Variants in MTOR observed in about 807,000 individuals in gnomAD.
MTOR encodes the protein serine/threonine-protein kinase mTOR.
A neutral mutation model predicts 319.8 loss-of-function variants in MTOR; 70 were observed. The observed-to-expected ratio is 0.22, with a 90% CI of 0.18 to 0.27. The LOEUF (loss-of-function observed/expected upper bound fraction) is 0.27. Ranked by LOEUF, MTOR falls within the 10% of genes least tolerant of loss-of-function variation. The pLI is 1.00. For missense variants in MTOR, 1,890 were observed against 3,274.4 expected, an observed-to-expected ratio of 0.58 and a Z score of 10.32; for synonymous variants, 1,183 against 1,211.4, an observed-to-expected ratio of 0.98 and a Z score of 0.49.
chr1:11,234,442 T>TA (rs1485202347), intron 13 of MTOR, among the ~76,000 whole-genome samples, 177 bp from the exon 14 acceptor site: 2 of 152,208 alleles, frequency 1.3e-5, no homozygotes. Flanking sequence ...AGAACAGCCT[T>TA]AGATACAGCT....
intron 28 of MTOR, chr1:11,195,251 C>G: frequency 1.9e-6 from 1 of 516,584 alleles, no homozygotes; most frequent in Non-Finnish European, 3.4e-6. Context: ...ACATCCTTCT[C>G]AAGGTGGTAG....
At chr1:11,222,200 A>AT (rs879898824) in intron 19 of MTOR, among the ~76,000 whole-genome samples, 1,495 of 146,006 alleles carry the variant, frequency 0.01, 19 homozygotes, top group African/African-American at 0.032. Context: ...TTTAAAAAAA[A>AT]TTTTTTTTTT....
intron 9 of MTOR, among the ~76,000 whole-genome samples, chr1:11,242,390 C>T (rs1280360114): frequency 6.7e-6 from 1 of 150,180 alleles, no homozygotes; most frequent in Non-Finnish European, 1.5e-5. Context: ...ATCCCAGCTA[C>T]TCAGGAGGCT....
intron 19 of MTOR, among the ~76,000 whole-genome samples, chr1:11,220,937 T>G (rs74225573): frequency 2.0e-5 from 3 of 152,080 alleles, no homozygotes; most frequent in Non-Finnish European, 4.4e-5. Flanking sequence ...TAGATAAGAT[T>G]TTATTTATAG....
Position 11,139,594 on chromosome 1 carries a change from G to A in MTOR, c.4937C>T (p.Pro1646Leu). 3 of 1,614,176 alleles carry A rather than the reference G, an allele frequency of 1.9e-6. No individual in the cohort carries two copies. The highest frequency in any genetic ancestry group is 8.5e-7 in the Non-Finnish European group (1 of 1,180,038). Residue 1646 changes from proline to leucine, a missense_variant, in exon 35 of 58, where the codon CCT becomes CTT. Physicochemically the swap from Pro to Leu is moderately conservative, Grantham distance 98. Around this residue, in one of 15 missense-constraint regions of MTOR, gnomAD observed 276 missense variants for 459.4 expected, o/e 0.60. Transcript: ENST00000361445. ...ILMVRSLVVS[P>L]HEDMRTWLKY... is the part of the protein sequence containing the mutation. The stretch of plus-strand genomic sequence containing the variant: ...GAGCCAGGTTCTCATGTCTTCATGA[G>A]GGCTGACCACAAGGGACCGCACCAT...
intron 36 of MTOR, 152 bp from the exon 37 acceptor site, chr1:11,134,618 G>C: frequency 1.7e-6 from 1 of 605,844 alleles, no homozygotes; most frequent in Non-Finnish European, 2.9e-6. Context: ...CAGAGGACCA[G>C]GGCGTGATAC....
rs764252121 is a variant in MTOR at position 11,228,954 on chromosome 1, A to G, written c.2780-36T>C. ...ACAACAGAGAGTGTTAGAGCTACACATGGCATGACGTGACTTCAGGCAGAG... is the reference window on the plus strand; with the variant it reads ...ACAACAGAGAGTGTTAGAGCTACACGTGGCATGACGTGACTTCAGGCAGAG... On this transcript the variant is annotated intron_variant, in intron 18 of 57. Transcript: ENST00000361445. 1.4e-5 allele frequency: 23 copies of G among 1,608,316 alleles called. 1 individual carries two copies. Among genetic ancestry groups the G allele is most frequent in the Admixed American group, 1.2e-4 (7 of 59,858 alleles).
chr1:11,185,428 AAAAGAAAG>A (rs552054713), intron 28 of MTOR, among the ~76,000 whole-genome samples: 17 of 150,476 alleles, frequency 1.1e-4, no homozygotes, highest in African/African-American at 3.9e-4. Flanking sequence ...AAAAAAAAAG[AAAAGAAAG>A]AAAGAAAGAA....
At chr1:11,194,458 C>G in intron 28 of MTOR, 13 of 1,613,750 alleles carry the variant, frequency 8.1e-6, no homozygotes, top group Non-Finnish European at 1.1e-5. Flanking sequence ...CTCCTCCTGA[C>G]AGGACTGGGA....
intron 26 of MTOR, among the ~76,000 whole-genome samples, chr1:11,201,276 GATAACA>G (rs1213486842): frequency 7.2e-5 from 11 of 152,286 alleles, no homozygotes; most frequent in Admixed American, 2.6e-4. Flanking sequence ...GCCTCTCATG[GATAACA>G]CTGTGCTCAG....
chr1:11,211,472 A>G (rs552342241), intron 23 of MTOR, among the ~76,000 whole-genome samples: 25 of 152,262 alleles, frequency 1.6e-4, no homozygotes, highest in Admixed American at 1.4e-3. Context: ...GGCTCAAGCG[A>G]TCCCTCTGCC....
chr1:11,238,337 T>C, intron 12 of MTOR, 65 bp downstream of exon 12: 3 of 1,517,512 alleles, frequency 2.0e-6, no homozygotes, highest in Non-Finnish European at 1.8e-6. Flanking sequence ...GTAATGAAAC[T>C]GGCTACTCCC....
chr1:11,238,120 C>T lies in MTOR; in HGVS notation c.2003-72G>A. On this transcript the variant is annotated intron_variant, in intron 12 of 57. Transcript: ENST00000361445. ...CTCCAGCCCTTCCCAGCTTCTACCT[C>T]CACTGCCATCAGCGTAGTGGGAAGA... is the stretch of plus-strand genomic sequence containing the variant. 2.8e-6 allele frequency: 4 copies of T among 1,427,108 alleles called. 1 individual carries two copies. Among genetic ancestry groups the T allele is most frequent in the Non-Finnish European group, 2.9e-6 (3 of 1,017,300 alleles). The allele number at this position is 1,427,108 out of a possible 1,614,324, so 88.4% of individuals were successfully genotyped here.
chr1:11,106,932 T>C lies in MTOR; in HGVS notation c.*553A>G, dbSNP rs538973312. Reference sequence around the variant, plus strand: ...CACTGGGTCTGATGGAAGACAGACCTTTTGTACTCATTTTGGCCTATCTTG... The same window carrying C: ...CACTGGGTCTGATGGAAGACAGACCCTTTGTACTCATTTTGGCCTATCTTG... On this transcript the variant is annotated 3_prime_UTR_variant, in exon 58 of 58. Transcript: ENST00000361445. The C allele has an allele frequency of 1.5e-6, 2 of 1,370,172 alleles. No homozygotes were observed. The highest frequency in any genetic ancestry group is 2.9e-5 in the African/African-American group (2 of 69,864). 84.9% of individuals were successfully genotyped at this position (1,370,172 alleles called of 1,614,324 possible).
At chr1:11,119,442 G>A (rs918286035) in intron 49 of MTOR, among the ~76,000 whole-genome samples, 1 of 151,754 alleles carries the variant, frequency 6.6e-6, no homozygotes, top group Non-Finnish European at 1.5e-5. Context: ...ATGGAGGCGG[G>A]TGCCTGTAGT....
At chr1:11,153,588 T>G (rs1644220739) in intron 30 of MTOR, among the ~76,000 whole-genome samples, 1 of 152,242 alleles carries the variant, frequency 6.6e-6, no homozygotes, top group African/African-American at 2.4e-5. Flanking sequence ...TGAAATAATG[T>G]GAATAATTCT....
rs574410861 is a variant in MTOR, at chr1:11,169,898, T to C, written c.4254-2381A>G. Among the ~76,000 whole-genome samples, 7 of 152,352 alleles carry C rather than the reference T, an allele frequency of 4.6e-5. No homozygotes were observed. The South Asian group carries it at 8.3e-4, about 18-fold the overall frequency. On this transcript the variant is annotated intron_variant, in intron 28 of 57. Coordinates refer to ENST00000361445, the MANE Select transcript of MTOR (RefSeq NM_004958.4). Reference sequence around the variant, plus strand: ...TAAAAGCTGCTAAAACACAGTGATATGCTTGTCTGCAGAAATAACATACAC... The same window carrying C: ...TAAAAGCTGCTAAAACACAGTGATACGCTTGTCTGCAGAAATAACATACAC...
At chr1:11,141,684 T>C (rs916314918) in intron 34 of MTOR, among the ~76,000 whole-genome samples, 3 of 145,670 alleles carry the variant, frequency 2.1e-5, no homozygotes, top group Admixed American at 2.0e-4. Context: ...TTCTTTATAA[T>C]TAAAAAAAAA....
At chr1:11,239,119 G>A (rs1647634446) in intron 11 of MTOR, among the ~76,000 whole-genome samples, 1 of 152,038 alleles carries the variant, frequency 6.6e-6, no homozygotes, top group African/African-American at 2.4e-5. Flanking sequence ...TCAATCAGCA[G>A]AAAGGTAAAA....
Sources: allele counts gnomAD v4.1 joint callset (sites outside exome capture counted in the v4.1 genomes callset), GRCh38; gene constraint gnomAD v4.1.1; regional missense constraint gnomAD v4.1.1; transcripts MANE v1.5; gene names NCBI Gene and HGNC (gene_info 2026-07-23, HGNC 2026-07-21).